The following SORCS1 variants were observed in gnomAD, a reference collection of about 807,000 sequenced individuals.
The protein encoded by SORCS1 is VPS10 domain-containing receptor SorCS1.
Under a neutral mutation model 146.1 loss-of-function variants are expected in SORCS1, and 60 were observed. The ratio of observed to expected loss-of-function variants is 0.41; its 90% CI spans 0.33 to 0.51. SORCS1 has a LOEUF of 0.51. Among genes scored for constraint, SORCS1 ranks in the 20% least tolerant of loss-of-function variants. The pLI, the probability that SORCS1 is intolerant of heterozygous loss-of-function variation, is 0.21. For synonymous variants in SORCS1, 637 were observed against 584.0 expected (o/e 1.09, Z -1.31); for missense variants, 1,352 against 1,487.6 (o/e 0.91, Z 1.50).
chr10:106,614,693 C>T (rs1847237417), intron 21 of SORCS1, among the ~76,000 whole-genome samples: 1 of 152,148 alleles, frequency 6.6e-6, no homozygotes, highest in Admixed American at 6.5e-5. Flanking sequence ...AGTAAAAGGA[C>T]ACAAATGAGA....
chr10:106,729,450 T>C (rs575240971), intron 6 of SORCS1, among the ~76,000 whole-genome samples: 1 of 152,140 alleles, frequency 6.6e-6, no homozygotes, highest in Non-Finnish European at 1.5e-5. Flanking sequence ...TCTCTTTTTT[T>C]TTTTTTAATT....
Position 106,956,642 on chromosome 10 carries a change from T to C in SORCS1, c.559-62A>G, listed in dbSNP as rs888541383. 4 of 1,451,852 alleles carry C rather than the reference T, an allele frequency of 2.8e-6. No individual in the cohort carries two copies. The African/African-American group carries it at 4.2e-5, about 15-fold the overall frequency. The allele number at this position is 1,451,852 out of a possible 1,614,324, so 89.9% of individuals were successfully genotyped here. ...CAATTACAATCTCTTAGAACTGAAA[T>C]GGCCCAAGGGAGGGCTTAGGATTCC... On this transcript the variant is annotated intron_variant, in intron 1 of 25. Coordinates refer to ENST00000263054, the MANE Select transcript of SORCS1 (RefSeq NM_052918.5).
chr10:107,119,322 C>T (rs1044940207), intron 1 of SORCS1, among the ~76,000 whole-genome samples: 2 of 151,902 alleles, frequency 1.3e-5, no homozygotes, highest in African/African-American at 4.8e-5. Flanking sequence ...GAATGGTGGC[C>T]CTTTGTACAT....
At chr10:107,092,510 GT>G (rs1933359939) in intron 1 of SORCS1, among the ~76,000 whole-genome samples, 1 of 152,062 alleles carries the variant, frequency 6.6e-6, no homozygotes. Flanking sequence ...CAATGGTATC[GT>G]TCTCCCTGCC....
chr10:107,175,032 G>A, the SORCS1 span, among the ~76,000 whole-genome samples: 8 of 152,204 alleles, frequency 5.3e-5, no homozygotes, highest in East Asian at 5.8e-4. Flanking sequence ...ATATGGTCAC[G>A]TTTTTCTCCT....
intron 3 of SORCS1, among the ~76,000 whole-genome samples, chr10:106,823,422 T>G (rs1350713004): frequency 6.6e-6 from 1 of 152,148 alleles, no homozygotes; most frequent in Non-Finnish European, 1.5e-5. Flanking sequence ...TTGAAATAAT[T>G]AAATTTATAG....
chr10:107,050,366 T>A (rs12251832), intron 1 of SORCS1, among the ~76,000 whole-genome samples: 1 of 152,126 alleles, frequency 6.6e-6, no homozygotes, highest in Non-Finnish European at 1.5e-5. Flanking sequence ...CAGGAGTGTA[T>A]GCTTCAGACA....
At chr10:107,140,737 C>T (rs1244405054) in intron 1 of SORCS1, among the ~76,000 whole-genome samples, 1 of 152,166 alleles carries the variant, frequency 6.6e-6, no homozygotes, top group East Asian at 1.9e-4. Context: ...CATTCGATAT[C>T]CCAACATATA....
rs572353597 is a variant in SORCS1, at chr10:106,759,778, C to G, written c.959+1810G>C. ...CTCTCTCTTCACGTATTTCTCTTTT[C>G]CCATACACAGATTCCCGCTAACATA... On this transcript the variant is annotated intron_variant, in intron 5 of 25. Coordinates refer to ENST00000263054, the MANE Select transcript of SORCS1 (RefSeq NM_052918.5). Among the ~76,000 whole-genome samples the G allele has an allele frequency of 1.8e-3, 275 of 152,248 alleles. 1 individual carries two copies. The highest frequency in any genetic ancestry group is 6.2e-3 in the African/African-American group (259 of 41,546).
chr10:107,044,174 A>AT, intron 1 of SORCS1, among the ~76,000 whole-genome samples: 1 of 152,202 alleles, frequency 6.6e-6, no homozygotes, highest in African/African-American at 2.4e-5. Flanking sequence ...TGTTTTCAAT[A>AT]TTTTTCTGGT....
chr10:107,065,472 C>CTTTCTTTCTTTCTTTCTTTT (rs1961717293), intron 1 of SORCS1, among the ~76,000 whole-genome samples: 3 of 59,550 alleles, frequency 5.0e-5, no homozygotes, highest in African/African-American at 2.1e-4. Context: ...CTCTCCCTCT[C>CTTTCTTTCTTTCTTTCTTTT]CTCTCCTCTC....
chr10:106,584,082 G>A (rs1845080106), intron 24 of SORCS1, among the ~76,000 whole-genome samples: 1 of 152,122 alleles, frequency 6.6e-6, no homozygotes, highest in Non-Finnish European at 1.5e-5. Context: ...TGACCCCAAA[G>A]TAGACTCAAT....
intron 5 of SORCS1, among the ~76,000 whole-genome samples, chr10:106,748,629 A>G (rs1262162881): frequency 6.6e-6 from 1 of 152,108 alleles, no homozygotes; most frequent in African/African-American, 2.4e-5. Flanking sequence ...TTGCTGATAC[A>G]TAAAATAATA....
intron 1 of SORCS1, among the ~76,000 whole-genome samples, chr10:107,113,038 A>G (rs989575764): frequency 6.6e-6 from 1 of 152,162 alleles, no homozygotes; most frequent in African/African-American, 2.4e-5. Flanking sequence ...CATTCCATCC[A>G]ACAGCAACAA....
chr10:106,823,697 A>T (rs746780282), intron 3 of SORCS1, among the ~76,000 whole-genome samples: 1 of 152,214 alleles, frequency 6.6e-6, no homozygotes, highest in African/African-American at 2.4e-5. Flanking sequence ...AAGTGCTAGA[A>T]AAAAGAAAAC....
intron 1 of SORCS1, among the ~76,000 whole-genome samples, chr10:107,114,975 T>C (rs753698102): frequency 6.6e-6 from 1 of 151,948 alleles, no homozygotes; most frequent in African/African-American, 2.4e-5. Context: ...TATATCCAAA[T>C]TGAGATACAG....
At chr10:106,733,454 G>A (rs192765060) in intron 5 of SORCS1, among the ~76,000 whole-genome samples, 59 of 152,300 alleles carry the variant, frequency 3.9e-4, no homozygotes, top group African/African-American at 1.3e-3. Context: ...CTGAATGTCT[G>A]TATAAGTGCT....
chr10:106,911,845 G>T (rs1237574650), intron 2 of SORCS1, among the ~76,000 whole-genome samples: 3 of 152,144 alleles, frequency 2.0e-5, no homozygotes, highest in East Asian at 3.9e-4. Context: ...GGGTGTGGTG[G>T]CTCACGCCTG....
intron 1 of SORCS1, among the ~76,000 whole-genome samples, chr10:107,110,742 G>C (rs1038298202): frequency 6.6e-6 from 1 of 152,036 alleles, no homozygotes; most frequent in African/African-American, 2.4e-5. Context: ...CATGGCTGGG[G>C]TCAGGACTGC....
Sources: allele counts gnomAD v4.1 joint callset (sites outside exome capture counted in the v4.1 genomes callset), GRCh38; gene constraint gnomAD v4.1.1; transcripts MANE v1.5; gene names NCBI Gene and HGNC (gene_info 2026-07-23, HGNC 2026-07-21).